The following PPP3CA variants were observed in gnomAD, a reference collection of about 807,000 sequenced individuals.
PPP3CA encodes the protein protein phosphatase 3 catalytic subunit alpha.
PPP3CA carries 14 observed loss-of-function variants against 66.5 expected under a neutral mutation model. The ratio of observed to expected loss-of-function variants is 0.21; its 90% CI spans 0.14 to 0.33. The LOEUF is 0.33. Ranked by LOEUF, PPP3CA falls within the 10% of genes least tolerant of loss-of-function variation. The probability of loss-of-function intolerance (pLI) is 1.00; values close to 1 mark genes in which losing one functional copy is unlikely to be tolerated. For synonymous variants in PPP3CA, 232 were observed against 226.2 expected, an observed-to-expected ratio of 1.03 and a Z score of -0.23; for missense variants, 317 against 639.5, an observed-to-expected ratio of 0.50 and a Z score of 5.44.
chr4:101,175,561 T>C (rs1354730214), intron 2 of PPP3CA, among the ~76,000 whole-genome samples: 3 of 152,162 alleles, frequency 2.0e-5, no homozygotes, highest in Non-Finnish European at 4.4e-5. Context: ...TATTAGAATG[T>C]TGGTGAAAAA....
Position 101,173,887 on chromosome 4 carries a change from C to CA in PPP3CA, c.259+22028dup, listed in dbSNP as rs1047243415. Among the ~76,000 whole-genome samples, 124 of 151,936 alleles carry CA rather than the reference C, an allele frequency of 8.2e-4. 1 individual carries two copies. Among genetic ancestry groups the CA allele is most frequent in the Middle Eastern group, 6.8e-3 (2 of 294 alleles). ...GCAGCAGAGCAAGACCTTGTCTCAA[C>CA]AAAAAAATTTAAAAATTAGCTGGGA... On this transcript the variant is annotated intron_variant, in intron 2 of 13. Transcript: ENST00000394854.
intron 2 of PPP3CA, among the ~76,000 whole-genome samples, chr4:101,191,310 C>A (rs142189356): frequency 0.017 from 2,550 of 152,276 alleles, 31 homozygotes; most frequent in Non-Finnish European, 0.026. Flanking sequence ...TTGTAAAAAG[C>A]GTTTCCAAGA....
At chr4:101,154,234 A>G (rs975057843) in intron 2 of PPP3CA, among the ~76,000 whole-genome samples, 2 of 152,198 alleles carry the variant, frequency 1.3e-5, no homozygotes, top group African/African-American at 4.8e-5. Flanking sequence ...AGCTAATTAA[A>G]ACAAGTTTAC....
chr4:101,137,208 A>C (rs1722650751), intron 2 of PPP3CA, among the ~76,000 whole-genome samples: 1 of 152,212 alleles, frequency 6.6e-6, no homozygotes, highest in Non-Finnish European at 1.5e-5. Flanking sequence ...ACAGGTTACC[A>C]GGCATATTAC....
rs572936029 is a variant in PPP3CA, at chr4:101,114,981, CTA to C, written c.260-5905_260-5904del. ...AAAACATAAATATTAACGTGTGTGT[CTA>C]TGTGTGTGTATAAAGCCACCCACCA... On this transcript the variant is annotated intron_variant, in intron 2 of 13. Transcript: ENST00000394854. Among the ~76,000 whole-genome samples the C allele has an allele frequency of 1.2e-4, 19 of 152,020 alleles. 1 individual carries two copies. The East Asian group carries it at 3.5e-3, about 28-fold the overall frequency.
At chr4:101,142,138 C>A (rs1414479203) in intron 2 of PPP3CA, among the ~76,000 whole-genome samples, 1 of 151,566 alleles carries the variant, frequency 6.6e-6, no homozygotes, top group Non-Finnish European at 1.5e-5. Flanking sequence ...TTAAAGACAC[C>A]AACCAAAAAT....
chr4:101,244,949 C>T (rs987508647), intron 1 of PPP3CA, among the ~76,000 whole-genome samples: 16 of 151,690 alleles, frequency 1.1e-4, no homozygotes, highest in African/African-American at 3.4e-4. Context: ...ATTTCATGTG[C>T]GTCACTGACA....
At chr4:101,062,682 ATT>A (rs1253931548) in intron 9 of PPP3CA, among the ~76,000 whole-genome samples, 12 of 151,970 alleles carry the variant, frequency 7.9e-5, no homozygotes, top group Non-Finnish European at 2.9e-5. Flanking sequence ...TAAAATGTAA[ATT>A]TGTCTCCTGT....
At chr4:101,035,456 TC>T (rs1727202856) in intron 11 of PPP3CA, among the ~76,000 whole-genome samples, 1 of 152,190 alleles carries the variant, frequency 6.6e-6, no homozygotes, top group South Asian at 2.1e-4. Context: ...AGTAGGAAGA[TC>T]TTTTTGGGAA....
chr4:101,193,218 T>G (rs73833264), intron 2 of PPP3CA, among the ~76,000 whole-genome samples: 4,517 of 152,322 alleles, frequency 0.03, 240 homozygotes, highest in African/African-American at 0.1. Context: ...ATATACCACC[T>G]GTACCAGGTA....
intron 1 of PPP3CA, among the ~76,000 whole-genome samples, chr4:101,342,081 T>C (rs1466323652): frequency 2.0e-5 from 3 of 152,176 alleles, no homozygotes; most frequent in Admixed American, 6.5e-5. Context: ...ATCAAAATTA[T>C]ATTTCATCTC....
chr4:101,098,263 G>C, intron 5 of PPP3CA, 104 bp downstream of exon 5: 1 of 1,239,526 alleles, frequency 8.1e-7, no homozygotes, highest in Non-Finnish European at 1.1e-6. Flanking sequence ...TAAATTATTT[G>C]AACTCAAAAG....
intron 2 of PPP3CA, among the ~76,000 whole-genome samples, chr4:101,159,192 G>A (rs1239334542): frequency 1.3e-5 from 2 of 152,142 alleles, no homozygotes; most frequent in South Asian, 2.1e-4. Flanking sequence ...CTGGCCGCAG[G>A]GCCCAAGAAG....
chr4:101,204,425 A>G (rs1248225123), intron 1 of PPP3CA, among the ~76,000 whole-genome samples: 1 of 152,128 alleles, frequency 6.6e-6, no homozygotes, highest in Non-Finnish European at 1.5e-5. Flanking sequence ...TCACGAGGTC[A>G]GGAGATCAAG....
chr4:101,244,914 A>G (rs1026532891), intron 1 of PPP3CA, among the ~76,000 whole-genome samples: 8 of 152,200 alleles, frequency 5.3e-5, no homozygotes, highest in Non-Finnish European at 7.3e-5. Context: ...GAGACTATTT[A>G]AAGTCATTTC....
chr4:101,078,619 C>T (rs969002655), intron 8 of PPP3CA, among the ~76,000 whole-genome samples: 6 of 152,150 alleles, frequency 3.9e-5, no homozygotes, highest in Non-Finnish European at 8.8e-5. Flanking sequence ...AAAATCAAAT[C>T]ATACTGTAAC....
At chr4:101,070,104 T>C (rs890284065) in intron 8 of PPP3CA, among the ~76,000 whole-genome samples, 1 of 152,166 alleles carries the variant, frequency 6.6e-6, no homozygotes, top group African/African-American at 2.4e-5. Context: ...ACTAGGTTAT[T>C]ATTCATATAT....
chr4:101,297,689 C>A (rs1728240281), intron 1 of PPP3CA, among the ~76,000 whole-genome samples: 1 of 152,068 alleles, frequency 6.6e-6, no homozygotes, highest in Non-Finnish European at 1.5e-5. Context: ...TTTCTACAGG[C>A]CTTTTTCCCT....
Position 101,106,388 on chromosome 4 carries a change from A to G in PPP3CA, c.384+2566T>C, listed in dbSNP as rs989120042. Among the ~76,000 whole-genome samples, 41 of 5,430 alleles carry G rather than the reference A, an allele frequency of 7.6e-3. No homozygotes were observed. In the East Asian group the frequency reaches 0.11, roughly 14 times the overall value. 3.6% of individuals were successfully genotyped at this position (5,430 alleles called of 152,430 possible). A position where few individuals can be genotyped will look rare whatever the true frequency, so the allele number is the denominator to read the frequency against. ...TAAAAGAGAGAAAAGAAAGAAAGAA[A>G]GAAAGAAAGAAAGAAAGAAAGAAAG... On this transcript the variant is annotated intron_variant, in intron 3 of 13. Transcript: ENST00000394854.
Sources: gnomAD v4.1 joint callset for allele counts (sites outside exome capture counted in the v4.1 genomes callset) on GRCh38, gnomAD v4.1.1 for gene constraint, MANE v1.5 for transcripts, NCBI Gene and HGNC (gene_info 2026-07-23, HGNC 2026-07-21) for gene names.